PSMB4: variants seen among roughly 807,000 people sequenced by gnomAD.
PSMB4 encodes proteasome 20S subunit beta 4, also known as proteasome subunit beta type-4.
In PSMB4, 16 loss-of-function variants were observed where a neutral mutation model predicts 35.2. The ratio of observed to expected loss-of-function variants is 0.45; its 90% CI spans 0.31 to 0.69. The LOEUF (loss-of-function observed/expected upper bound fraction) is 0.69. Among genes scored for constraint, PSMB4 ranks in the 30% least tolerant of loss-of-function variants. The pLI is 0.06. For missense variants in PSMB4, 333 were observed against 351.8 expected, an observed-to-expected ratio of 0.95 and a Z score of 0.43; for synonymous variants, 144 against 134.1, an observed-to-expected ratio of 1.07 and a Z score of -0.51.
chr1:151,400,191 A>C lies in PSMB4; in HGVS notation c.347+4A>C. ...AGCAAGTTCTCGGCCAGATGGTGTA[A>C]GTCATCCAGAGAACAGGAGAGTGGT... On this transcript the variant is annotated splice_donor_region_variant and intron_variant, in intron 2 of 6. Coordinates refer to ENST00000290541, the MANE Select transcript of PSMB4 (RefSeq NM_002796.3). The C allele has an allele frequency of 6.2e-7, 1 of 1,613,472 alleles. No individual in the cohort carries two copies. Among genetic ancestry groups the C allele is most frequent in the Non-Finnish European group, 8.5e-7 (1 of 1,179,454 alleles).
At chr1:151,400,629 A>T (rs533890009) in intron 3 of PSMB4, 41 bp downstream of exon 3, 1 of 1,613,732 alleles carries the variant, frequency 6.2e-7, no homozygotes, top group Non-Finnish European at 8.5e-7. Context: ...TTACCACCCA[A>T]CCTAGTACCT....
Position 151,401,921 on chromosome 1 carries a change from TA to T in PSMB4, c.*95del. 7.5e-7 allele frequency: 1 copy of T among 1,338,964 alleles called. No individual in the cohort carries two copies. Among genetic ancestry groups the T allele is most frequent in the African/African-American group, 1.5e-5 (1 of 68,508 alleles). 82.9% of individuals were successfully genotyped at this position (1,338,964 alleles called of 1,614,324 possible). On this transcript the variant is annotated 3_prime_UTR_variant, in exon 7 of 7. Transcript: ENST00000290541. ...ATAGACTCTTCTTTTGTAAAGTAAATAAATTCTTCAAAATGCTTGCTGAGTG... is the reference window on the plus strand; with the variant it reads ...ATAGACTCTTCTTTTGTAAAGTAAATAATTCTTCAAAATGCTTGCTGAGTG...
intron 5 of PSMB4, 56 bp from the exon 6 acceptor site, chr1:151,401,486 C>G: frequency 6.5e-7 from 1 of 1,531,908 alleles, no homozygotes; most frequent in East Asian, 2.2e-5. Flanking sequence ...CTCCACCTGA[C>G]CTTTCATTTA....
At position 151,400,496 on chromosome 1, in the gene PSMB4, T is replaced by C; in HGVS notation, c.402T>C (p.His134=). Residue 134 remains histidine, a synonymous_variant, in exon 3 of 7, where the codon CAT becomes CAC. Transcript: ENST00000290541. ...DGHSYSPRAI[H]SWLTRAMYSR... is the part of the protein sequence containing the mutation. ...ACAGCTATAGTCCTAGAGCTATTCA[T>C]TCATGGCTGACCAGGGCCATGTACA... 1.9e-6 allele frequency: 3 copies of C among 1,614,062 alleles called. No homozygotes were observed. Among genetic ancestry groups the C allele is most frequent in the Non-Finnish European group, 2.5e-6 (3 of 1,180,028 alleles).
intron 1 of PSMB4, 112 bp from the exon 2 acceptor site, chr1:151,399,869 G>A: frequency 6.5e-7 from 1 of 1,549,328 alleles, no homozygotes; most frequent in Non-Finnish European, 8.9e-7. Flanking sequence ...CGGAGTCCTG[G>A]AGAATGCAGA....
chr1:151,401,155 A>T, intron 4 of PSMB4, 84 bp from the exon 5 acceptor site: 1 of 1,144,072 alleles, frequency 8.7e-7, no homozygotes, highest in Non-Finnish European at 1.3e-6. Context: ...CTTTCACTCT[A>T]ATGCTTTTTA....
rs1301353469 is a variant in PSMB4 at position 151,399,653 on chromosome 1, C to T, written c.66C>T (p.Tyr22=). Reference sequence around the variant, plus strand: ...GGGGTCCGGCCCCAGGACAGTTTTACCGCATTCCGTCCACTCCCGATTCCT... The same window carrying T: ...GGGGTCCGGCCCCAGGACAGTTTTATCGCATTCCGTCCACTCCCGATTCCT... The part of the protein sequence containing the change: ...WAGGPAPGQF[Y]RIPSTPDSFM... Residue 22 remains tyrosine (Y), a synonymous_variant, in exon 1 of 7, where the codon TAC becomes TAT. Coordinates refer to ENST00000290541, the MANE Select transcript of PSMB4 (RefSeq NM_002796.3). 7 of 1,614,070 alleles carry T rather than the reference C, an allele frequency of 4.3e-6. No individual in the cohort carries two copies. Among genetic ancestry groups the T allele is most frequent in the Non-Finnish European group, 5.9e-6 (7 of 1,180,042 alleles).
Position 151,400,067 on chromosome 1 carries a change from G to T in PSMB4, c.227G>T (p.Gly76Val). The change falls in exon 2 of 7, where the codon GGC (glycine) becomes GTC (valine). Residue 76 changes from glycine to valine, a missense_variant. Coordinates refer to ENST00000290541, the MANE Select transcript of PSMB4 (RefSeq NM_002796.3). ...GCCGCAGACATGCTGGGATCCTACG[G>T]CTCCTTGGCTCGTTTCCGCAACATC... ...VIAADMLGSY[G>V]SLARFRNISR... 6.2e-7 allele frequency: 1 copy of T among 1,614,112 alleles called. No individual in the cohort carries two copies. Among genetic ancestry groups the T allele is most frequent in the Non-Finnish European group, 8.5e-7 (1 of 1,180,020 alleles).
In PSMB4 at chr1:151,400,153, T is replaced by G; in HGVS notation, c.313T>G (p.Phe105Val). ...MLGASGDYAD[F>V]QYLKQVLGQM... The stretch of plus-strand genomic sequence containing the variant: ...GGGTGCCTCTGGCGACTACGCTGAT[T>G]TCCAGTATTTGAAGCAAGTTCTCGG... The change falls in exon 2 of 7, where the codon TTC (phenylalanine) becomes GTC (valine). Residue 105 changes from phenylalanine to valine, a missense_variant. Physicochemically the swap from Phe to Val is conservative, Grantham distance 50. Coordinates refer to ENST00000290541, the MANE Select transcript of PSMB4 (RefSeq NM_002796.3). 1 of 1,614,124 alleles carries G rather than the reference T, an allele frequency of 6.2e-7. No individual in the cohort carries two copies. Among genetic ancestry groups the G allele is most frequent in the South Asian group, 1.1e-5 (1 of 91,080 alleles).
rs2102124227 is a variant in PSMB4, at chr1:151,401,903, CTT to C, written c.*75_*76del. ...AACTTGGCTAGTTCAAAGATAGACTCTTCTTTTGTAAAGTAAATAAATTCTTC... is the reference window on the plus strand; with the variant it reads ...AACTTGGCTAGTTCAAAGATAGACTCCTTTTGTAAAGTAAATAAATTCTTC... On this transcript the variant is annotated 3_prime_UTR_variant, in exon 7 of 7. Coordinates refer to ENST00000290541, the MANE Select transcript of PSMB4 (RefSeq NM_002796.3). 1.4e-6 allele frequency: 2 copies of C among 1,403,308 alleles called. No individual in the cohort carries two copies. Among genetic ancestry groups the C allele is most frequent in the East Asian group, 4.6e-5 (2 of 43,866 alleles). The allele number at this position is 1,403,308 out of a possible 1,614,324, so 86.9% of individuals were successfully genotyped here.
chr1:151,400,597 G>A lies in PSMB4; in HGVS notation c.494+9G>A. Reference sequence around the variant, plus strand: ...TATGCTGATGGAGAGAGGTTCATATGAATACAAATAACTTATTTCCTTTAC... The same window carrying A: ...TATGCTGATGGAGAGAGGTTCATATAAATACAAATAACTTATTTCCTTTAC... On this transcript the variant is annotated intron_variant, in intron 3 of 6. Coordinates refer to ENST00000290541, the MANE Select transcript of PSMB4 (RefSeq NM_002796.3). The A allele has an allele frequency of 6.2e-7, 1 of 1,614,110 alleles. No individual in the cohort carries two copies. Among genetic ancestry groups the A allele is most frequent in the Non-Finnish European group, 8.5e-7 (1 of 1,180,026 alleles).
At chr1:151,400,296 G>A in intron 2 of PSMB4, 109 bp downstream of exon 2, 2 of 1,450,964 alleles carry the variant, frequency 1.4e-6, no homozygotes, top group Non-Finnish European at 9.6e-7. Context: ...GGGACTGGAA[G>A]AGTTGTTGGA....
intron 2 of PSMB4, 101 bp downstream of exon 2, chr1:151,400,288 G>T: frequency 6.8e-7 from 1 of 1,476,458 alleles, no homozygotes; most frequent in Non-Finnish European, 9.4e-7. Flanking sequence ...TGCAGCGGGG[G>T]ACTGGAAGAG....
At chr1:151,401,487 CTTTCA>C in intron 5 of PSMB4, 50 bp from the exon 6 acceptor site, 1 of 1,540,230 alleles carries the variant, frequency 6.5e-7, no homozygotes, top group South Asian at 1.1e-5. Context: ...TCCACCTGAC[CTTTCA>C]TTTAAGGACT....
At chr1:151,401,382 G>A in intron 5 of PSMB4, 27 bp downstream of exon 5, 2 of 1,605,616 alleles carry the variant, frequency 1.2e-6, no homozygotes, top group Non-Finnish European at 1.7e-6. Context: ...GAACCTAATT[G>A]GCGGGCTCTG....
Position 151,400,121 on chromosome 1 carries a change from C to G in PSMB4, c.281C>G (p.Thr94Ser). 6.2e-7 allele frequency: 1 copy of G among 1,614,154 alleles called. No individual in the cohort carries two copies. Among genetic ancestry groups the G allele is most frequent in the Non-Finnish European group, 8.5e-7 (1 of 1,180,036 alleles). The part of the protein sequence containing the change: ...ISRIMRVNNS[T>S]MLGASGDYAD... The stretch of plus-strand genomic sequence containing the variant: ...CGCATTATGCGAGTCAACAACAGTA[C>G]CATGCTGGGTGCCTCTGGCGACTAC... The change falls in exon 2 of 7, where the codon ACC becomes AGC. Residue 94 changes from threonine to serine, a missense_variant. Transcript: ENST00000290541.
Position 151,400,437 on chromosome 1 carries a change from T to G in PSMB4, c.348-5T>G. 6.2e-7 allele frequency: 1 copy of G among 1,612,274 alleles called. No homozygotes were observed. The highest frequency in any genetic ancestry group is 8.5e-7 in the Non-Finnish European group (1 of 1,179,474). ...TCCCTTTTCTCACAACCAATTCCTT[T>G]TAAGGATTGATGAGGAGCTTCTGGG... On this transcript the variant is annotated splice_polypyrimidine_tract_variant and splice_region_variant and intron_variant, in intron 2 of 6. Coordinates refer to ENST00000290541, the MANE Select transcript of PSMB4 (RefSeq NM_002796.3).
At chr1:151,399,897 T>C (rs1175782718) in intron 1 of PSMB4, 84 bp from the exon 2 acceptor site, 46 of 1,546,572 alleles carry the variant, frequency 3.0e-5, no homozygotes, top group Non-Finnish European at 4.0e-5. Flanking sequence ...GAAGGAATTA[T>C]AGAAAATCAG....
chr1:151,401,383 G>C, intron 5 of PSMB4, 28 bp downstream of exon 5: 1 of 1,605,994 alleles, frequency 6.2e-7, no homozygotes, highest in South Asian at 1.1e-5. Flanking sequence ...AACCTAATTG[G>C]CGGGCTCTGG....
Sources: gnomAD v4.1 joint callset for allele counts on GRCh38, gnomAD v4.1.1 for gene constraint, MANE v1.5 for transcripts, NCBI Gene and HGNC (gene_info 2026-07-23, HGNC 2026-07-21) for gene names.